The following IQGAP2 variants were observed in gnomAD, a reference collection of about 807,000 sequenced individuals.
IQGAP2 encodes IQ motif containing GTPase activating protein 2.
In IQGAP2, 173 loss-of-function variants were observed where a neutral mutation model predicts 201.3. The observed-to-expected ratio is 0.86, with a 90% confidence interval of 0.76 to 0.98. IQGAP2 has a LOEUF of 0.98. Ranked by LOEUF, IQGAP2 falls within the 50% of genes least tolerant of loss-of-function variation. The pLI is 0.00. For synonymous variants in IQGAP2, 675 were observed against 673.9 expected, an observed-to-expected ratio of 1.00 and a Z score of -0.03; for missense variants, 1,687 against 1,864.8, an observed-to-expected ratio of 0.90 and a Z score of 1.76.
intron 30 of IQGAP2, among the ~76,000 whole-genome samples, chr5:76,690,901 A>G (rs1746204710): frequency 6.6e-6 from 1 of 152,264 alleles, no homozygotes; most frequent in Non-Finnish European, 1.5e-5. Context: ...TTTAACGACC[A>G]TGTGAGTGCT....
intron 1 of IQGAP2, among the ~76,000 whole-genome samples, chr5:76,446,724 T>TA (rs1202697670): frequency 1.3e-5 from 2 of 152,326 alleles, no homozygotes; most frequent in South Asian, 4.1e-4. Context: ...CTGCAGTGTG[T>TA]AAAAAATGGG....
chr5:76,491,687 C>G (rs934783306), intron 2 of IQGAP2, among the ~76,000 whole-genome samples: 14 of 152,278 alleles, frequency 9.2e-5, no homozygotes, highest in African/African-American at 3.4e-4. Flanking sequence ...TGATAGCCGT[C>G]AGCAAATACC....
Position 76,562,436 on chromosome 5 carries a change from A to G in IQGAP2, c.187A>G (p.Thr63Ala), listed in dbSNP as rs1168405118. 4 of 1,613,788 alleles carry G rather than the reference A, an allele frequency of 2.5e-6. No individual in the cohort carries two copies. Among genetic ancestry groups the G allele is most frequent in the African/African-American group, 1.3e-5 (1 of 74,886 alleles). The stretch of plus-strand genomic sequence containing the variant: ...CTTAGTTGAAGAATTGCCACCAACC[A>G]CTGAATTGGAAGAAGGGCTCCGGAA... ...VCLVEELPPTTELEEGLRNGV... is the reference protein window; with the variant it reads ...VCLVEELPPTAELEEGLRNGV... The change falls in exon 3 of 36, where the codon ACT (threonine) becomes GCT (alanine). Residue 63 changes from threonine to alanine, a missense_variant. By Grantham distance (58) the Thr-to-Ala change is moderately conservative. Transcript: ENST00000274364.
chr5:76,504,232 C>T (rs1385351407), intron 2 of IQGAP2, among the ~76,000 whole-genome samples: 2 of 152,320 alleles, frequency 1.3e-5, no homozygotes, highest in South Asian at 4.1e-4. Context: ...CCTCCTGCCA[C>T]CTTCTACTGT....
intron 30 of IQGAP2, among the ~76,000 whole-genome samples, chr5:76,687,814 A>T (rs1224584231): frequency 6.6e-6 from 1 of 152,224 alleles, no homozygotes; most frequent in African/African-American, 2.4e-5. Flanking sequence ...AGCTCAGGGC[A>T]TCCACTCATT....
At chr5:76,696,764 T>A (rs10036832) in intron 32 of IQGAP2, among the ~76,000 whole-genome samples, 2 of 151,900 alleles carry the variant, frequency 1.3e-5, no homozygotes, top group Non-Finnish European at 2.9e-5. Context: ...ATGGGGTAGA[T>A]AAATATATGC....
chr5:76,623,237 G>T, intron 13 of IQGAP2: 2 of 1,614,112 alleles, frequency 1.2e-6, no homozygotes, highest in Non-Finnish European at 1.7e-6. Flanking sequence ...TCATTTTGAT[G>T]ACCTGAGTCC....
chr5:76,439,643 G>GT (rs1452331979), intron 1 of IQGAP2, among the ~76,000 whole-genome samples: 9 of 151,742 alleles, frequency 5.9e-5, no homozygotes, highest in African/African-American at 7.3e-5. Context: ...TTTAAAGTAT[G>GT]TTTTTTCTGA....
chr5:76,553,709 C>A (rs535158445), intron 2 of IQGAP2, among the ~76,000 whole-genome samples: 61 of 152,166 alleles, frequency 4.0e-4, no homozygotes, highest in African/African-American at 1.5e-3. Flanking sequence ...GTAGTCCCAC[C>A]CTAAAAAGGA....
chr5:76,460,375 C>A (rs1303751614), intron 1 of IQGAP2, among the ~76,000 whole-genome samples: 1 of 152,146 alleles, frequency 6.6e-6, no homozygotes, highest in Non-Finnish European at 1.5e-5. Flanking sequence ...GGAGCTCTGG[C>A]TAAAGTGTGG....
intron 1 of IQGAP2, among the ~76,000 whole-genome samples, chr5:76,455,294 CA>C (rs559017053): frequency 6.6e-6 from 1 of 151,112 alleles, no homozygotes; most frequent in African/African-American, 2.4e-5. Context: ...ACTAAAAATA[CA>C]AAAAAAATTT....
rs115075689 is a variant in IQGAP2, at chr5:76,546,805, C to T, written c.147-15591C>T. On this transcript the variant is annotated intron_variant, in intron 2 of 35. Transcript: ENST00000274364. ...CTTGGGATGCTCCTCCTATCTGTGCCTCAAACGTTTTCACTCGAGGGATAT... is the reference window on the plus strand; with the variant it reads ...CTTGGGATGCTCCTCCTATCTGTGCTTCAAACGTTTTCACTCGAGGGATAT... 2.9e-3 allele frequency among the ~76,000 whole-genome samples: 449 copies of T among 152,248 alleles called. 2 individuals are homozygous for T. The highest frequency in any genetic ancestry group is 4.8e-3 in the Non-Finnish European group (325 of 68,016).
intron 1 of IQGAP2, among the ~76,000 whole-genome samples, chr5:76,427,741 G>A (rs1752093741): frequency 6.6e-6 from 1 of 152,190 alleles, no homozygotes; most frequent in South Asian, 2.1e-4. Flanking sequence ...GGCACTGCAG[G>A]TCTCCAGGCC....
rs74589512 is a variant in IQGAP2 at position 76,448,688 on chromosome 5, C to A, written c.47-12882C>A. ...TTGAAGGGCAGATGAGAGCCATTAT[C>A]TTTAATCTCCATCCCCATTCCCATG... On this transcript the variant is annotated intron_variant, in intron 1 of 35. Transcript: ENST00000274364. Among the ~76,000 whole-genome samples, 528 of 152,254 alleles carry A rather than the reference C, an allele frequency of 3.5e-3. 11 individuals carry two copies. The East Asian group carries it at 0.066, about 19-fold the overall frequency.
chr5:76,436,518 T>TATATATATATATA (rs1439729076), intron 1 of IQGAP2, among the ~76,000 whole-genome samples: 8 of 19,722 alleles, frequency 4.1e-4, no homozygotes, highest in African/African-American at 1.8e-3. Flanking sequence ...TATATATATA[T>TATATATATATATA]TTTTTTTTTT....
intron 1 of IQGAP2, among the ~76,000 whole-genome samples, chr5:76,420,294 A>G (rs1417904355): frequency 6.6e-6 from 1 of 151,304 alleles, no homozygotes; most frequent in Non-Finnish European, 1.5e-5. Context: ...TATCATTCTT[A>G]CCATTTTTCA....
rs918054404 is a variant in IQGAP2, at chr5:76,568,941, A to G, written c.304-1639A>G. Among the ~76,000 whole-genome samples, 7 of 152,344 alleles carry G rather than the reference A, an allele frequency of 4.6e-5. No individual in the cohort carries two copies. In the South Asian group the frequency reaches 1.0e-3, roughly 23 times the overall value. On this transcript the variant is annotated intron_variant, in intron 3 of 35. Transcript: ENST00000274364. The stretch of plus-strand genomic sequence containing the variant: ...TCAGACTTGATTGTGGATTGTTTCT[A>G]TCTTGTTCTTCCATGGTCACAGAGT...
chr5:76,520,390 G>A (rs1287148056), intron 2 of IQGAP2, among the ~76,000 whole-genome samples: 4 of 152,050 alleles, frequency 2.6e-5, no homozygotes, highest in South Asian at 2.1e-4. Context: ...TCGAACTCCC[G>A]ACCTCAGGAG....
intron 13 of IQGAP2, chr5:76,616,362 A>G (rs1181402973): frequency 6.6e-6 from 1 of 152,654 alleles, no homozygotes; most frequent in South Asian, 2.1e-4. Context: ...TGCCTATATC[A>G]TAAGCAAGGT....
Sources: gnomAD v4.1 joint callset for allele counts (sites outside exome capture counted in the v4.1 genomes callset) on GRCh38, gnomAD v4.1.1 for gene constraint, MANE v1.5 for transcripts, NCBI Gene and HGNC (gene_info 2026-07-23, HGNC 2026-07-21) for gene names.